Variants in NARS2 observed in about 807,000 individuals in gnomAD.
NARS2 encodes asparaginyl-tRNA synthetase 2, mitochondrial.
A neutral mutation model predicts 62.9 loss-of-function variants in NARS2; 60 were observed. That is an observed-to-expected ratio of 0.95 (90% CI 0.77 to 1.18). The LOEUF is 1.18. Among genes scored for constraint, NARS2 ranks in the 50% most tolerant of loss-of-function variants. The pLI, the probability that NARS2 is intolerant of heterozygous loss-of-function variation, is 0.00. For synonymous variants in NARS2, 196 were observed against 200.0 expected (o/e 0.98, Z 0.17); for missense variants, 619 against 576.4 (o/e 1.07, Z -0.76).
intron 6 of NARS2, among the ~76,000 whole-genome samples, chr11:78,509,529 A>C (rs1860634539): frequency 6.6e-6 from 1 of 152,186 alleles, no homozygotes; most frequent in Non-Finnish European, 1.5e-5. Flanking sequence ...TTAAGAAACT[A>C]ATACACTTTA....
intron 3 of NARS2, among the ~76,000 whole-genome samples, chr11:78,568,259 C>A (rs1003592310): frequency 3.9e-5 from 6 of 152,004 alleles, no homozygotes; most frequent in African/African-American, 1.5e-4. Context: ...GGATTTAATA[C>A]CAAACAGCCA....
chr11:78,534,017 T>C (rs1002858837), intron 5 of NARS2, among the ~76,000 whole-genome samples: 2 of 152,230 alleles, frequency 1.3e-5, no homozygotes, highest in Non-Finnish European at 2.9e-5. Flanking sequence ...TTTTACTGTC[T>C]GGATGTAACA....
At chr11:78,529,397 TA>T (rs1055216781) in intron 5 of NARS2, among the ~76,000 whole-genome samples, 5 of 152,226 alleles carry the variant, frequency 3.3e-5, no homozygotes, top group Non-Finnish European at 7.3e-5. Context: ...CAGATTTTTA[TA>T]AACACATTAT....
chr11:78,537,825 T>C (rs970552223), intron 5 of NARS2, among the ~76,000 whole-genome samples: 1 of 152,182 alleles, frequency 6.6e-6, no homozygotes, highest in African/African-American at 2.4e-5. Context: ...CATACATACA[T>C]GCAAACATAC....
chr11:78,559,717 G>GC, intron 4 of NARS2, 98 bp from the exon 5 acceptor site: 1 of 786,050 alleles, frequency 1.3e-6, no homozygotes, highest in East Asian at 2.5e-5. Flanking sequence ...CTAAGCAGAT[G>GC]CTGTATCAAA....
At chr11:78,470,237 C>T (rs920419291) in intron 9 of NARS2, among the ~76,000 whole-genome samples, 1 of 152,008 alleles carries the variant, frequency 6.6e-6, no homozygotes, top group Non-Finnish European at 1.5e-5. Context: ...CATGAGACAC[C>T]CTCATGCCTA....
At chr11:78,476,763 A>T (rs1473571773) in intron 9 of NARS2, among the ~76,000 whole-genome samples, 1 of 152,242 alleles carries the variant, frequency 6.6e-6, no homozygotes, top group Admixed American at 6.5e-5. Context: ...TTCCAACCTT[A>T]ACATTTTATG....
intron 11 of NARS2, among the ~76,000 whole-genome samples, chr11:78,446,285 T>C (rs1034453394): frequency 1.3e-5 from 2 of 152,224 alleles, no homozygotes; most frequent in Non-Finnish European, 2.9e-5. Flanking sequence ...GTATACCTTA[T>C]CCTCATTACT....
intron 5 of NARS2, among the ~76,000 whole-genome samples, chr11:78,553,952 G>A (rs1362469802): frequency 1.3e-5 from 2 of 152,190 alleles, no homozygotes; most frequent in African/African-American, 4.8e-5. Context: ...TCAATCGTCT[G>A]CATACGGCTA....
At chr11:78,532,549 CTTGAATAAAA>C (rs1216241243) in intron 5 of NARS2, among the ~76,000 whole-genome samples, 2 of 152,154 alleles carry the variant, frequency 1.3e-5, no homozygotes, top group Non-Finnish European at 2.9e-5. Flanking sequence ...TACTCTGAGC[CTTGAATAAAA>C]TGTGATTGAT....
At chr11:78,472,760 T>C (rs1482082241) in intron 9 of NARS2, among the ~76,000 whole-genome samples, 3 of 152,234 alleles carry the variant, frequency 2.0e-5, no homozygotes, top group Non-Finnish European at 4.4e-5. Flanking sequence ...TTTACTGTTT[T>C]TAGGATTAAC....
chr11:78,516,575 A>G (rs1289725509), intron 6 of NARS2, among the ~76,000 whole-genome samples: 1 of 152,232 alleles, frequency 6.6e-6, no homozygotes, highest in Non-Finnish European at 1.5e-5. Context: ...GGTTGAAATT[A>G]TATCTGTCTT....
chr11:78,548,614 C>G (rs1474258903), intron 5 of NARS2, among the ~76,000 whole-genome samples: 2 of 152,124 alleles, frequency 1.3e-5, no homozygotes, highest in Non-Finnish European at 2.9e-5. Context: ...TGTCATTTCA[C>G]TAATCCTTAC....
intron 6 of NARS2, among the ~76,000 whole-genome samples, chr11:78,507,828 A>AT (rs1860563176): frequency 6.6e-6 from 1 of 151,718 alleles, no homozygotes; most frequent in African/African-American, 2.4e-5. Context: ...CCCAGTTTTC[A>AT]TTTTTAAAAA....
intron 7 of NARS2, among the ~76,000 whole-genome samples, chr11:78,479,103 A>G (rs1420389907): frequency 6.6e-6 from 1 of 152,212 alleles, no homozygotes; most frequent in Non-Finnish European, 1.5e-5. Flanking sequence ...AACACACAAC[A>G]AACATCAGTT....
At chr11:78,563,879 C>CACAT (rs1565287524) in intron 4 of NARS2, among the ~76,000 whole-genome samples, 1 of 105,344 alleles carries the variant, frequency 9.5e-6, no homozygotes, top group Non-Finnish European at 1.7e-5. Flanking sequence ...TGTATACACA[C>CACAT]ACACAGTATT....
Position 78,493,321 on chromosome 11 carries a change from A to T in NARS2, c.690-126T>A, listed in dbSNP as rs1259466489. On this transcript the variant is annotated intron_variant, in intron 6 of 13. Transcript: ENST00000281038. ...CTCTGTCTTGTCCACAGACTGACAC[A>T]TATTTGCTGCTACATATTTCTCTAA... 1.3e-5 allele frequency: 11 copies of T among 825,836 alleles called. No homozygotes were observed. In the East Asian group the frequency reaches 2.7e-4, roughly 20 times the overall value. The allele number at this position is 825,836 out of a possible 1,614,324, so 51.2% of individuals were successfully genotyped here.
In NARS2 at chr11:78,571,922, C is replaced by A. The variant is rs980969233; in HGVS notation, c.142-478G>T. ...TCAACAGTAATTTCCAGGTTGGGCA[C>A]AGAAATCTCAGCACTTTGGGAGGCC... On this transcript the variant is annotated intron_variant, in intron 1 of 13. Transcript: ENST00000281038. Among the ~76,000 whole-genome samples the A allele has an allele frequency of 2.0e-5, 3 of 152,142 alleles. No homozygotes were observed. In the South Asian group the frequency reaches 6.2e-4, roughly 32 times the overall value.
chr11:78,565,173 G>A (rs1264990601), intron 4 of NARS2, among the ~76,000 whole-genome samples: 1 of 152,192 alleles, frequency 6.6e-6, no homozygotes, highest in Non-Finnish European at 1.5e-5. Flanking sequence ...CCCAGGTAGA[G>A]GGAAATGGTT....
Sources: allele counts gnomAD v4.1 joint callset (sites outside exome capture counted in the v4.1 genomes callset), GRCh38; gene constraint gnomAD v4.1.1; transcripts MANE v1.5; gene names NCBI Gene and HGNC (gene_info 2026-07-23, HGNC 2026-07-21).